Variants in CSPG4 observed in about 807,000 individuals in gnomAD.
CSPG4 encodes the protein chondroitin sulfate proteoglycan 4 (melanoma-associated).
A neutral mutation model predicts 139.3 loss-of-function variants in CSPG4; 74 were observed. The observed-to-expected ratio is 0.53, with a 90% CI of 0.44 to 0.64. The LOEUF is 0.64. CSPG4 is among the 30% of genes least tolerant of loss of function. The pLI, the probability that CSPG4 is intolerant of heterozygous loss-of-function variation, is 0.00. For missense variants in CSPG4, 2,565 were observed against 3,148.3 expected (o/e 0.81, Z 4.43); for synonymous variants, 1,234 against 1,394.2 (o/e 0.89, Z 2.56).
At chr15:75,697,557 T>G (rs891733264) in intron 1 of CSPG4, among the ~76,000 whole-genome samples, 6 of 152,130 alleles carry the variant, frequency 3.9e-5, no homozygotes, top group Non-Finnish European at 8.8e-5. Flanking sequence ...GCACCCCCAC[T>G]GTACCCCACT....
intron 1 of CSPG4, among the ~76,000 whole-genome samples, chr15:75,702,442 T>C (rs1894317516): frequency 6.6e-6 from 1 of 152,270 alleles, no homozygotes; most frequent in South Asian, 2.1e-4. Flanking sequence ...GCTGTGCTGT[T>C]GTCACCTCTC....
chr15:75,675,181 T>TA lies in CSPG4; in HGVS notation c.*368dup. The stretch of plus-strand genomic sequence containing the variant: ...GGGTACTTCCTTCTCCTTGCCCTCT[T>TA]AGCAGCCTGGGTCAGGCGCGACTTA... On this transcript the variant is annotated 3_prime_UTR_variant, in exon 10 of 10. Transcript: ENST00000308508. The TA allele has an allele frequency of 3.4e-6, 1 of 292,984 alleles. No individual in the cohort carries two copies. The highest frequency in any genetic ancestry group is 6.3e-6 in the Non-Finnish European group (1 of 159,340). The allele number at this position is 292,984 out of a possible 1,614,324, so 18.1% of individuals were successfully genotyped here. A position where few individuals can be genotyped will look rare whatever the true frequency, so the allele number is the denominator to read the frequency against.
At chr15:75,711,817 G>A (rs1022141315) in intron 1 of CSPG4, among the ~76,000 whole-genome samples, 3 of 152,240 alleles carry the variant, frequency 2.0e-5, no homozygotes, top group African/African-American at 4.8e-5. Context: ...AGCTGCCTTC[G>A]CTGAAGGAAG....
Position 75,685,290 on chromosome 15 carries a change from G to A in CSPG4, c.4201C>T (p.Pro1401Ser). 6.3e-7 allele frequency: 1 copy of A among 1,580,298 alleles called. No homozygotes were observed. The change falls in exon 4 of 10, where the codon CCC becomes TCC. Residue 1401 changes from proline (P) to serine (S), a missense_variant. This residue lies in a region of CSPG4 where 2,316 missense variants were observed against 2,818.2 expected (regional missense o/e 0.82). Coordinates refer to ENST00000308508, the MANE Select transcript of CSPG4 (RefSeq NM_001897.5). ...LGLSLQVLEP[P>S]QHGALQKEDG... Reference sequence around the variant, plus strand: ...TCCTTCTGCAGGGCTCCATGCTGGGGTGGCTCCAGCACCTGCAGGCTGAGG... The same window carrying A: ...TCCTTCTGCAGGGCTCCATGCTGGGATGGCTCCAGCACCTGCAGGCTGAGG...
At chr15:75,697,645 G>A (rs369673221) in intron 1 of CSPG4, among the ~76,000 whole-genome samples, 1 of 152,334 alleles carries the variant, frequency 6.6e-6, no homozygotes, top group Admixed American at 6.5e-5. Flanking sequence ...GCCAGGCTGC[G>A]TCATGGGAGC....
Position 75,682,941 on chromosome 15 carries a change from C to G in CSPG4, c.4550G>C (p.Ser1517Thr). ...EDLVYTIEQP[S>T]NGRVVLRGAP... Reference sequence around the variant, plus strand: ...CCCCCGCAGCACTACCCGCCCGTTGCTGGGCTGCTCGATGGTGTAGACCAG... The same window carrying G: ...CCCCCGCAGCACTACCCGCCCGTTGGTGGGCTGCTCGATGGTGTAGACCAG... The change falls in exon 6 of 10, where the codon AGC (serine) becomes ACC (threonine). Residue 1517 changes from serine to threonine, a missense_variant. This residue lies in a region of CSPG4 where 2,316 missense variants were observed against 2,818.2 expected (regional missense o/e 0.82). Transcript: ENST00000308508. 1 of 1,611,486 alleles carries G rather than the reference C, an allele frequency of 6.2e-7. No individual in the cohort carries two copies. The highest frequency in any genetic ancestry group is 8.5e-7 in the Non-Finnish European group (1 of 1,179,692).
chr15:75,684,642 A>G, intron 5 of CSPG4, 94 bp downstream of exon 5: 2 of 1,191,444 alleles, frequency 1.7e-6, no homozygotes, highest in Non-Finnish European at 2.4e-6. Context: ...GAGGAAACTG[A>G]GGATCAGAGC....
chr15:75,684,258 G>A (rs1402749298), intron 5 of CSPG4, among the ~76,000 whole-genome samples: 3 of 152,266 alleles, frequency 2.0e-5, no homozygotes, highest in Non-Finnish European at 4.4e-5. Flanking sequence ...CCTGCAGAGT[G>A]GGGCCCTTAC....
chr15:75,682,921 G>C lies in CSPG4; in HGVS notation c.4570C>G (p.Arg1524Gly), dbSNP rs772158757. Residue 1524 changes from arginine (R) to glycine (G), a missense_variant, in exon 6 of 10, where the codon CGG becomes GGG. Transcript: ENST00000308508. ...CGCACCTCAGTGCCCGGCGCCCCCCGCAGCACTACCCGCCCGTTGCTGGGC... is the reference window on the plus strand; with the variant it reads ...CGCACCTCAGTGCCCGGCGCCCCCCCCAGCACTACCCGCCCGTTGCTGGGC... ...EQPSNGRVVL[R>G]GAPGTEVRSF... The C allele has an allele frequency of 1.2e-6, 2 of 1,611,054 alleles. No homozygotes were observed. Among genetic ancestry groups the C allele is most frequent in the Admixed American group, 1.7e-5 (1 of 59,960 alleles).
chr15:75,685,353 G>A lies in CSPG4; in HGVS notation c.4138C>T (p.Leu1380Phe), dbSNP rs746938259. Residue 1380 changes from leucine to phenylalanine, a missense_variant, in exon 4 of 10, where the codon CTC becomes TTC. Transcript: ENST00000308508. ...GGGAAGTAGGGCCCGGAGACACGGA[G>A]CAGTGGAGGGGCCAGGGTGAGGCTG... ...GGSLTLAPPL[L>F]RVSGPYFPTL... is the part of the protein sequence containing the mutation. 3.7e-6 allele frequency: 6 copies of A among 1,610,214 alleles called. No individual in the cohort carries two copies. In the South Asian group the frequency reaches 5.5e-5, roughly 15 times the overall value.
At chr15:75,708,689 G>A (rs1894405282) in intron 1 of CSPG4, among the ~76,000 whole-genome samples, 1 of 152,196 alleles carries the variant, frequency 6.6e-6, no homozygotes, top group South Asian at 2.1e-4. Flanking sequence ...AGAGACCTGA[G>A]GCAGTCCCTG....
At position 75,677,301 on chromosome 15, in the gene CSPG4, G is replaced by A; in HGVS notation, c.5218C>T (p.Pro1740Ser). 6.9e-7 allele frequency: 1 copy of A among 1,449,226 alleles called. No individual in the cohort carries two copies. Among genetic ancestry groups the A allele is most frequent in the Non-Finnish European group, 9.1e-7 (1 of 1,096,818 alleles). The allele number at this position is 1,449,226 out of a possible 1,614,324, so 89.8% of individuals were successfully genotyped here. Residue 1740 changes from proline (P) to serine (S), a missense_variant, in exon 10 of 10, where the codon CCC becomes TCC. By Grantham distance (74) the Pro-to-Ser change is moderately conservative. This residue lies in a region of CSPG4 where 2,316 missense variants were observed against 2,818.2 expected (regional missense o/e 0.82). Transcript: ENST00000308508. ...ASNLLASVPS[P>S]QRSEHDVLFQ... ...AGCACATCATGCTCTGAGCGCTGGG[G>A]TGATGGAACGCTGGCCAAGAGATTG... is the stretch of plus-strand genomic sequence containing the variant.
chr15:75,688,310 C>A lies in CSPG4; in HGVS notation c.2755G>T (p.Ala919Ser). 6.2e-7 allele frequency: 1 copy of A among 1,613,198 alleles called. No homozygotes were observed. Among genetic ancestry groups the A allele is most frequent in the Non-Finnish European group, 8.5e-7 (1 of 1,180,028 alleles). The change falls in exon 3 of 10, where the codon GCT (alanine) becomes TCT (serine). Residue 919 changes from alanine (A) to serine (S), a missense_variant. Ala to Ser is a moderately conservative substitution (Grantham distance 99, BLOSUM62 1). Coordinates refer to ENST00000308508, the MANE Select transcript of CSPG4 (RefSeq NM_001897.5). The stretch of plus-strand genomic sequence containing the variant: ...AGACTCTTGACAAAGAGGTGGTCAG[C>A]AGAGAGGACACCCTCACCACCCTCA... Reference protein sequence around the residue: ...VPEGGEGVLSADHLFVKSLNS... With the variant: ...VPEGGEGVLSSDHLFVKSLNS...
rs1457522775 is a variant in CSPG4, at chr15:75,689,577, G to A, written c.1488C>T (p.Leu496=). 1.2e-6 allele frequency: 2 copies of A among 1,612,656 alleles called. No homozygotes were observed. Among genetic ancestry groups the A allele is most frequent in the East Asian group, 2.2e-5 (1 of 44,894 alleles). Residue 496 remains leucine (L), a synonymous_variant, in exon 3 of 10, where the codon CTC becomes CTT. Coordinates refer to ENST00000308508, the MANE Select transcript of CSPG4 (RefSeq NM_001897.5). ...GGGCCTTGCGGTTCACCACGTCCAG[G>A]AGGGTGAACATTTTTCGTGCCTGGG... ...PGAQARKMFT[L]LDVVNRKARF...
chr15:75,697,015 G>A (rs1265489072), intron 1 of CSPG4, among the ~76,000 whole-genome samples: 4 of 152,212 alleles, frequency 2.6e-5, no homozygotes, highest in Non-Finnish European at 5.9e-5. Flanking sequence ...CCGGGGACAA[G>A]GAGTCGCTGT....
At chr15:75,684,647 C>T in intron 5 of CSPG4, 89 bp downstream of exon 5, 1 of 1,268,812 alleles carries the variant, frequency 7.9e-7, no homozygotes, top group Non-Finnish European at 1.1e-6. Context: ...AACTGAGGAT[C>T]AGAGCTGGGG....
intron 1 of CSPG4, among the ~76,000 whole-genome samples, chr15:75,706,384 T>A (rs1204013962): frequency 6.6e-6 from 1 of 152,108 alleles, no homozygotes; most frequent in Non-Finnish European, 1.5e-5. Context: ...ACTGCGTGTG[T>A]GTGAGTGTGT....
In CSPG4 at chr15:75,687,359, G is replaced by A. The variant is rs1181849304; in HGVS notation, c.3706C>T (p.Leu1236=). ...LQVTIALEGP[L]APLKLVRHKK... is the part of the protein sequence containing the mutation. ...TGCCGGACCAGCTTCAGTGGGGCCA[G>A]TGGGCCCTCTAGGGCAATGGTCACT... The change falls in exon 3 of 10, where the codon CTG becomes TTG. Residue 1236 remains leucine, a synonymous_variant. Coordinates refer to ENST00000308508, the MANE Select transcript of CSPG4 (RefSeq NM_001897.5). The surrounding 1 kb of genome is among the most constrained non-coding windows in gnomAD (Gnocchi z 5.4). 2 of 1,612,876 alleles carry A rather than the reference G, an allele frequency of 1.2e-6. No homozygotes were observed. The highest frequency in any genetic ancestry group is 1.3e-5 in the African/African-American group (1 of 75,068).
intron 3 of CSPG4, among the ~76,000 whole-genome samples, chr15:75,686,074 G>C (rs1317392404): frequency 6.6e-6 from 1 of 152,200 alleles, no homozygotes; most frequent in Admixed American, 6.5e-5. Flanking sequence ...TTTTTGTGTA[G>C]AGATGGGGTT....
Sources: gnomAD v4.1 joint callset for allele counts (sites outside exome capture counted in the v4.1 genomes callset) on GRCh38, gnomAD v4.1.1 for gene constraint, gnomAD v4.1.1 regional missense constraint, Gnocchi (gnomAD v3.1) non-coding constraint, MANE v1.5 for transcripts, NCBI Gene and HGNC (gene_info 2026-07-23, HGNC 2026-07-21) for gene names.